The following SETBP1 variants were observed in gnomAD, a reference collection of about 807,000 sequenced individuals.
The protein encoded by SETBP1 is SET-binding protein.
In SETBP1, 9 loss-of-function variants were observed where a neutral mutation model predicts 101.0. The ratio of observed to expected loss-of-function variants is 0.09; its 90% CI spans 0.05 to 0.16. The LOEUF is 0.16. Among genes scored for constraint, SETBP1 ranks in the 10% least tolerant of loss-of-function variants. The pLI, the probability that SETBP1 is intolerant of heterozygous loss-of-function variation, is 1.00. For synonymous variants in SETBP1, 818 were observed against 788.5 expected, an observed-to-expected ratio of 1.04 and a Z score of -0.63; for missense variants, 1,858 against 2,033.8, an observed-to-expected ratio of 0.91 and a Z score of 1.66.
chr18:45,030,559 T>C, intron 4 of SETBP1, among the ~76,000 whole-genome samples: 1 of 149,024 alleles, frequency 6.7e-6, no homozygotes, highest in East Asian at 1.9e-4. Flanking sequence ...TCTTTTTCTA[T>C]TGATTGGAAT....
chr18:44,738,805 C>T (rs970772362), intron 2 of SETBP1, among the ~76,000 whole-genome samples: 41 of 150,626 alleles, frequency 2.7e-4, no homozygotes, highest in Middle Eastern at 6.9e-3. Context: ...AAAAGGAAGA[C>T]GGTATACACG....
At chr18:44,939,213 C>T (rs1395375677) in intron 3 of SETBP1, among the ~76,000 whole-genome samples, 1 of 152,070 alleles carries the variant, frequency 6.6e-6, no homozygotes, top group Non-Finnish European at 1.5e-5. Context: ...CTGGAAACTC[C>T]CTCATGCCCA....
At chr18:44,786,911 A>G (rs1299936082) in intron 2 of SETBP1, among the ~76,000 whole-genome samples, 2 of 152,186 alleles carry the variant, frequency 1.3e-5, no homozygotes, top group Non-Finnish European at 2.9e-5. Context: ...GGTTGCTCCT[A>G]TCAGGCTGTC....
intron 2 of SETBP1, among the ~76,000 whole-genome samples, chr18:44,777,943 C>T (rs1022284084): frequency 6.6e-6 from 1 of 152,170 alleles, no homozygotes; most frequent in Non-Finnish European, 1.5e-5. Context: ...TTTCTGAACC[C>T]GACTGTTCTA....
At chr18:44,877,991 C>G (rs925799722) in intron 3 of SETBP1, among the ~76,000 whole-genome samples, 3 of 152,124 alleles carry the variant, frequency 2.0e-5, no homozygotes, top group Non-Finnish European at 4.4e-5. Context: ...ACCTAATGTG[C>G]AGAAGGTCAC....
At chr18:44,999,975 C>T (rs1316944274) in intron 4 of SETBP1, among the ~76,000 whole-genome samples, 1 of 152,174 alleles carries the variant, frequency 6.6e-6, no homozygotes, top group Non-Finnish European at 1.5e-5. Context: ...AATCATGTGT[C>T]TTTCTTGTTT....
At chr18:44,887,259 C>A (rs2069670026) in intron 3 of SETBP1, among the ~76,000 whole-genome samples, 1 of 152,106 alleles carries the variant, frequency 6.6e-6, no homozygotes, top group Non-Finnish European at 1.5e-5. Flanking sequence ...ATTGCTCATG[C>A]AGCATCTGGC....
chr18:44,735,200 A>C (rs1169044934), intron 2 of SETBP1, among the ~76,000 whole-genome samples: 1 of 152,228 alleles, frequency 6.6e-6, no homozygotes, highest in Non-Finnish European at 1.5e-5. Flanking sequence ...TTGAAGATTC[A>C]TCTGTGGTCA....
chr18:44,949,195 C>T (rs181744479), intron 3 of SETBP1, among the ~76,000 whole-genome samples: 83 of 152,252 alleles, frequency 5.5e-4, no homozygotes, highest in African/African-American at 1.7e-3. Context: ...ATTTCTTCTC[C>T]GTGCCCTCGA....
chr18:44,863,983 A>G (rs1599242267), intron 2 of SETBP1, among the ~76,000 whole-genome samples: 1 of 152,254 alleles, frequency 6.6e-6, no homozygotes, highest in South Asian at 2.1e-4. Flanking sequence ...CCCAGATGCA[A>G]GCATCTGGGT....
intron 4 of SETBP1, among the ~76,000 whole-genome samples, chr18:45,000,815 C>CACACACAT (rs1446628228): frequency 6.6e-6 from 1 of 151,648 alleles, no homozygotes; most frequent in Non-Finnish European, 1.5e-5. Flanking sequence ...CACACACACA[C>CACACACAT]ACACACACAC....
chr18:44,813,598 G>C (rs1031837049), intron 2 of SETBP1, among the ~76,000 whole-genome samples: 4 of 152,152 alleles, frequency 2.6e-5, no homozygotes, highest in Non-Finnish European at 5.9e-5. Context: ...ATTCCATCTA[G>C]GCTCTACATT....
At chr18:44,785,296 A>G (rs2071216522) in intron 2 of SETBP1, among the ~76,000 whole-genome samples, 1 of 152,154 alleles carries the variant, frequency 6.6e-6, no homozygotes, top group South Asian at 2.1e-4. Context: ...TGAAGTTGCC[A>G]GGGGACATGG....
intron 2 of SETBP1, among the ~76,000 whole-genome samples, chr18:44,771,511 T>C (rs2070872248): frequency 6.6e-6 from 1 of 152,044 alleles, no homozygotes; most frequent in Non-Finnish European, 1.5e-5. Context: ...ATCCAGTGAT[T>C]TCTCTTTAAC....
At chr18:44,792,780 C>T (rs2071395846) in intron 2 of SETBP1, among the ~76,000 whole-genome samples, 3 of 152,164 alleles carry the variant, frequency 2.0e-5, no homozygotes, top group Admixed American at 1.3e-4. Flanking sequence ...CTGAATACCA[C>T]ACACAGTGTT....
chr18:44,830,023 T>A (rs1407340399), intron 2 of SETBP1, among the ~76,000 whole-genome samples: 1 of 152,228 alleles, frequency 6.6e-6, no homozygotes, highest in African/African-American at 2.4e-5. Flanking sequence ...CCAAATGGTT[T>A]ACACAGAGGC....
intron 2 of SETBP1, among the ~76,000 whole-genome samples, chr18:44,773,177 A>G (rs1424427638): frequency 5.9e-5 from 9 of 152,218 alleles, no homozygotes; most frequent in Admixed American, 3.9e-4. Flanking sequence ...AAATGTATAG[A>G]CAGTCCATAG....
rs1375574027 is a variant in SETBP1, at chr18:44,951,427, C to A, written c.2087C>A (p.Pro696Gln). ...SSVALKAKAP[P>Q]ETSPGAAAIE... Reference sequence around the variant, plus strand: ...GTTGCTCTGAAGGCAAAAGCTCCCCCAGAGACCAGCCCTGGGGCAGCAGCC... The same window carrying A: ...GTTGCTCTGAAGGCAAAAGCTCCCCAAGAGACCAGCCCTGGGGCAGCAGCC... The change falls in exon 4 of 6, where the codon CCA becomes CAA. Residue 696 changes from proline (P) to glutamine (Q), a missense_variant. Physicochemically the swap from Pro to Gln is moderately conservative, Grantham distance 76. Coordinates refer to ENST00000649279, the MANE Select transcript of SETBP1 (RefSeq NM_015559.3). The surrounding 1 kb of genome is among the most constrained non-coding windows in gnomAD (Gnocchi z 7.8). The A allele has an allele frequency of 6.2e-7, 1 of 1,614,138 alleles. No individual in the cohort carries two copies. Among genetic ancestry groups the A allele is most frequent in the African/African-American group, 1.3e-5 (1 of 75,040 alleles).
chr18:44,989,724 C>T (rs1353258531), intron 4 of SETBP1, among the ~76,000 whole-genome samples: 3 of 151,104 alleles, frequency 2.0e-5, no homozygotes, highest in Non-Finnish European at 4.4e-5. Flanking sequence ...AAAAAATTAG[C>T]CGGGCATAGT....
Sources: allele counts gnomAD v4.1 joint callset (sites outside exome capture counted in the v4.1 genomes callset), GRCh38; gene constraint gnomAD v4.1.1; non-coding constraint Gnocchi (gnomAD v3.1); transcripts MANE v1.5; gene names NCBI Gene and HGNC (gene_info 2026-07-23, HGNC 2026-07-21).